The following HHIPL1 variants were observed in gnomAD, a reference collection of about 807,000 sequenced individuals.
HHIPL1 encodes HHIP like 1, also known as HHIP-like protein 1.
A neutral mutation model predicts 61.8 loss-of-function variants in HHIPL1; 43 were observed. That is an observed-to-expected ratio of 0.70 (90% CI 0.55 to 0.90). HHIPL1 has a LOEUF of 0.90. Among genes scored for constraint, HHIPL1 ranks in the 40% least tolerant of loss-of-function variants. The probability of loss-of-function intolerance (pLI) is 0.00; values close to 1 mark genes in which losing one functional copy is unlikely to be tolerated. For missense variants in HHIPL1, 1,056 were observed against 1,157.7 expected, an observed-to-expected ratio of 0.91 and a Z score of 1.28; for synonymous variants, 482 against 515.8, an observed-to-expected ratio of 0.93 and a Z score of 0.89.
the HHIPL1 span, among the ~76,000 whole-genome samples, chr14:99,624,405 G>A: frequency 1.6e-4 from 24 of 152,170 alleles, no homozygotes; most frequent in Non-Finnish European, 1.5e-5. Context: ...GACAGAAGGA[G>A]CTGTGAAGTC....
the HHIPL1 span, among the ~76,000 whole-genome samples, chr14:99,605,264 T>C: frequency 6.6e-6 from 1 of 151,328 alleles, no homozygotes; most frequent in Non-Finnish European, 1.5e-5. Context: ...GCCACAGAAC[T>C]CCCCACCGGC....
chr14:99,623,906 A>T, the HHIPL1 span, among the ~76,000 whole-genome samples: 3 of 152,104 alleles, frequency 2.0e-5, no homozygotes, highest in Non-Finnish European at 4.4e-5. Flanking sequence ...GAGACAAGGG[A>T]CTCTATTAAA....
Position 99,660,128 on chromosome 14 carries a change from C to T in HHIPL1, c.1376-152C>T. Reference sequence around the variant, plus strand: ...ACCCCTGCAGACACGCTTTCCACCACGCCAGCCCTGCTGTGGGCACGCCAG... The same window carrying T: ...ACCCCTGCAGACACGCTTTCCACCATGCCAGCCCTGCTGTGGGCACGCCAG... On this transcript the variant is annotated intron_variant, in intron 4 of 8. Transcript: ENST00000330710. This position sits in a 1 kb window ranked among gnomAD's most constrained non-coding sequence, Gnocchi z 4.9. The T allele has an allele frequency of 4.6e-6, 3 of 649,276 alleles. No individual in the cohort carries two copies. Among genetic ancestry groups the T allele is most frequent in the Admixed American group, 3.4e-5 (1 of 29,688 alleles). 40.2% of individuals were successfully genotyped at this position (649,276 alleles called of 1,614,324 possible).
chr14:99,648,869 C>A (rs981666240), intron 1 of HHIPL1, among the ~76,000 whole-genome samples: 3 of 152,188 alleles, frequency 2.0e-5, no homozygotes, highest in Non-Finnish European at 2.9e-5. Context: ...ACATAAGAAA[C>A]CTTCAGGACC....
chr14:99,675,105 A>G lies in HHIPL1; in HGVS notation c.1828A>G (p.Thr610Ala). The change falls in exon 9 of 9, where the codon ACA (threonine) becomes GCA (alanine). Residue 610 changes from threonine (T) to alanine (A), a missense_variant. Transcript: ENST00000330710. This position sits in a 1 kb window ranked among gnomAD's most constrained non-coding sequence, Gnocchi z 5.4. ...FVPKEKFIPKTRSTPRPTARA... is the reference protein window; with the variant it reads ...FVPKEKFIPKARSTPRPTARA... ...CCTCTGCGCAGAGTTCATCCCGAAG[A>G]CACGGAGCACCCCGCGGCCTACAGC... The G allele has an allele frequency of 3.4e-6, 4 of 1,166,838 alleles. No homozygotes were observed. The highest frequency in any genetic ancestry group is 4.3e-6 in the Non-Finnish European group (4 of 934,180). The allele number at this position is 1,166,838 out of a possible 1,614,324, so 72.3% of individuals were successfully genotyped here.
chr14:99,622,006 C>G, the HHIPL1 span, among the ~76,000 whole-genome samples: 1 of 152,134 alleles, frequency 6.6e-6, no homozygotes, highest in Non-Finnish European at 1.5e-5. Flanking sequence ...TAAGCCACCG[C>G]GCCTGGCCAA....
In HHIPL1 at chr14:99,668,832, C is replaced by T. The variant is rs1176517154; in HGVS notation, c.1730+529C>T. 6.2e-7 allele frequency: 1 copy of T among 1,613,560 alleles called. No homozygotes were observed. The highest frequency in any genetic ancestry group is 1.3e-5 in the African/African-American group (1 of 74,940). ...TCCATCTCCCCGGCTTCCCTTCTAG[C>T]TGTAAGGCCAGAAGCGCCATGCCCG... On this transcript the variant is annotated intron_variant, in intron 7 of 8. Coordinates refer to ENST00000330710, the MANE Select transcript of HHIPL1 (RefSeq NM_001127258.3). The surrounding 1 kb of genome is among the most constrained non-coding windows in gnomAD (Gnocchi z 4.7).
chr14:99,615,640 A>G, the HHIPL1 span, among the ~76,000 whole-genome samples: 8,469 of 46,770 alleles, frequency 0.18, 836 homozygotes, highest in African/African-American at 0.34. Context: ...AAAGAGAAAG[A>G]AAGGAAGAGA....
rs922817523 is a variant in HHIPL1, at chr14:99,660,494, C to T, written c.1502+88C>T. 1.4e-6 allele frequency: 2 copies of T among 1,470,802 alleles called. No individual in the cohort carries two copies. The highest frequency in any genetic ancestry group is 1.9e-5 in the Admixed American group (1 of 52,678). 91.1% of individuals were successfully genotyped at this position (1,470,802 alleles called of 1,614,324 possible). On this transcript the variant is annotated intron_variant, in intron 5 of 8. Transcript: ENST00000330710. This position sits in a 1 kb window ranked among gnomAD's most constrained non-coding sequence, Gnocchi z 4.9. ...TGGTAAAGGGGAGTGTATGTGTGCG[C>T]CCGTTCCTGCACATGTGCCTCGCTG...
At chr14:99,673,853 GGAT>G (rs2056355904) in intron 8 of HHIPL1, among the ~76,000 whole-genome samples, 1 of 100,604 alleles carries the variant, frequency 9.9e-6, no homozygotes, top group Non-Finnish European at 2.0e-5. Context: ...CAGAGTTGGG[GGAT>G]GCACCCAGGC....
chr14:99,646,870 A>G (rs12586837), intron 1 of HHIPL1, among the ~76,000 whole-genome samples: 37,069 of 148,664 alleles, frequency 0.25, 5,572 homozygotes, highest in African/African-American at 0.38. Context: ...ATGATATAAT[A>G]TGATACATAA....
At chr14:99,642,018 C>A (rs1222824025), upstream of HHIPL1, among the ~76,000 whole-genome samples, 4 of 151,788 alleles carry the variant, frequency 2.6e-5, no homozygotes, top group African/African-American at 9.7e-5. Context: ...CGGCTCACTG[C>A]AACCTCTGCC....
the HHIPL1 span, among the ~76,000 whole-genome samples, chr14:99,612,431 C>A: frequency 6.6e-6 from 1 of 152,114 alleles, no homozygotes; most frequent in African/African-American, 2.4e-5. Flanking sequence ...GAATAAAACC[C>A]AGAAGAAGAA....
chr14:99,643,061 G>A (rs1345265118), upstream of HHIPL1, among the ~76,000 whole-genome samples: 1 of 151,060 alleles, frequency 6.6e-6, no homozygotes, highest in Non-Finnish European at 1.5e-5. Flanking sequence ...TCTTTTTTGA[G>A]ACAGAGTCTC....
At position 99,652,277 on chromosome 14, in the gene HHIPL1, C is replaced by T. The variant is rs751404877; in HGVS notation, c.309C>T (p.Pro103=). The change falls in exon 2 of 9, where the codon CCC becomes CCT. Residue 103 remains proline, a synonymous_variant. Transcript: ENST00000330710. The part of the protein sequence containing the change: ...HLYDAEDPFT[P]LRTVPGLCQD... ...ATGACGCCGAGGACCCATTCACGCC[C>T]CTGCGCACGGTGCCCGGGCTCTGCC... 1.2e-6 allele frequency: 2 copies of T among 1,613,808 alleles called. No individual in the cohort carries two copies. The highest frequency in any genetic ancestry group is 2.2e-5 in the South Asian group (2 of 91,066).
the HHIPL1 span, among the ~76,000 whole-genome samples, chr14:99,607,126 G>A: frequency 6.7e-3 from 879 of 131,308 alleles, 4 homozygotes; most frequent in African/African-American, 9.4e-3. Flanking sequence ...CTCAACCTCC[G>A]GGCTCAAGAG....
chr14:99,633,195 G>A, the HHIPL1 span, among the ~76,000 whole-genome samples: 1 of 152,176 alleles, frequency 6.6e-6, no homozygotes, highest in Non-Finnish European at 1.5e-5. Context: ...CTGGGGGAAA[G>A]GTGGATCCTG....
Position 99,652,562 on chromosome 14 carries a change from C to G in HHIPL1, c.594C>G (p.Ala198=). ...EVANGLRNPV[A]MVHARDGTHR... Reference sequence around the variant, plus strand: ...CCAACGGGCTGCGCAACCCCGTGGCCATGGTCCATGCCAGGGATGGCACCC... The same window carrying G: ...CCAACGGGCTGCGCAACCCCGTGGCGATGGTCCATGCCAGGGATGGCACCC... Residue 198 remains alanine, a synonymous_variant, in exon 2 of 9, where the codon GCC becomes GCG. Transcript: ENST00000330710. 6.2e-7 allele frequency: 1 copy of G among 1,613,152 alleles called. No homozygotes were observed. Among genetic ancestry groups the G allele is most frequent in the Non-Finnish European group, 8.5e-7 (1 of 1,179,982 alleles).
the HHIPL1 span, among the ~76,000 whole-genome samples, chr14:99,630,689 C>T: frequency 2.0e-5 from 3 of 152,052 alleles, no homozygotes; most frequent in African/African-American, 7.3e-5. Context: ...CATGCGGCCT[C>T]CCGGTCACAC....
Sources: allele counts gnomAD v4.1 joint callset (sites outside exome capture counted in the v4.1 genomes callset), GRCh38; gene constraint gnomAD v4.1.1; non-coding constraint Gnocchi (gnomAD v3.1); transcripts MANE v1.5; gene names NCBI Gene and HGNC (gene_info 2026-07-23, HGNC 2026-07-21).